The following AFAP1 variants were observed in gnomAD, a reference collection of about 807,000 sequenced individuals.
AFAP1 encodes the protein actin filament-associated protein 1.
AFAP1 carries 75 observed loss-of-function variants against 93.9 expected under a neutral mutation model. The observed-to-expected ratio is 0.80, with a 90% confidence interval of 0.66 to 0.97. The LOEUF (loss-of-function observed/expected upper bound fraction) is 0.97, where lower values mean the gene tolerates loss of function less well. AFAP1 is among the 50% of genes least tolerant of loss of function. The pLI is 0.00. For missense variants in AFAP1, 1,201 were observed against 1,050.8 expected, an observed-to-expected ratio of 1.14 and a Z score of -1.98; for synonymous variants, 517 against 430.7, an observed-to-expected ratio of 1.20 and a Z score of -2.48.
chr4:7,838,919 T>C (rs1185150666), intron 5 of AFAP1, among the ~76,000 whole-genome samples: 1 of 152,128 alleles, frequency 6.6e-6, no homozygotes, highest in Non-Finnish European at 1.5e-5. Flanking sequence ...ATCCATTCAC[T>C]GATTCAGAAA....
At chr4:7,873,242 C>CAAAAAAA (rs1195209480) in intron 1 of AFAP1, among the ~76,000 whole-genome samples, 1 of 64,126 alleles carries the variant, frequency 1.6e-5, no homozygotes, top group Non-Finnish European at 2.7e-5. Flanking sequence ...GACTCTGTCT[C>CAAAAAAA]AAAAAAAAAA....
intron 3 of AFAP1, among the ~76,000 whole-genome samples, chr4:7,859,399 A>G (rs888499554): frequency 1.3e-5 from 2 of 152,086 alleles, no homozygotes; most frequent in Admixed American, 1.3e-4. Flanking sequence ...AGCCTGGGCA[A>G]CAGAGCAAGA....
chr4:7,854,212 T>C (rs1483050317), intron 4 of AFAP1, among the ~76,000 whole-genome samples: 3 of 152,248 alleles, frequency 2.0e-5, no homozygotes, highest in Admixed American at 1.3e-4. Flanking sequence ...TAATCTACTG[T>C]CTTCTTAAAG....
At chr4:7,919,531 C>A (rs1023729874) in intron 1 of AFAP1, among the ~76,000 whole-genome samples, 1 of 152,122 alleles carries the variant, frequency 6.6e-6, no homozygotes. Context: ...TCAGAACATA[C>A]GAATATCCAG....
intron 9 of AFAP1, among the ~76,000 whole-genome samples, chr4:7,806,044 C>T (rs1238615471): frequency 3.3e-5 from 5 of 152,156 alleles, no homozygotes; most frequent in Non-Finnish European, 7.3e-5. Context: ...GTAACAACGG[C>T]TTAATTCATA....
chr4:7,909,981 T>C (rs112516078), intron 1 of AFAP1, among the ~76,000 whole-genome samples: 3,091 of 152,240 alleles, frequency 0.02, 107 homozygotes, highest in African/African-American at 0.071. Flanking sequence ...CCTAATAATA[T>C]TGGCAAAGAA....
At chr4:7,845,190 G>T (rs920161109) in intron 4 of AFAP1, among the ~76,000 whole-genome samples, 3 of 152,186 alleles carry the variant, frequency 2.0e-5, no homozygotes, top group African/African-American at 7.2e-5. Flanking sequence ...GGGAGGCCAA[G>T]GCGGGCGAAT....
chr4:7,937,444 G>T (rs1201690829), intron 1 of AFAP1, among the ~76,000 whole-genome samples: 1 of 152,168 alleles, frequency 6.6e-6, no homozygotes, highest in African/African-American at 2.4e-5. Flanking sequence ...AGAAGAGAAG[G>T]CCTTCCAGGA....
At chr4:7,848,217 G>GGGAGGGAGGGAC (rs1714021380) in intron 4 of AFAP1, among the ~76,000 whole-genome samples, 1 of 64,252 alleles carries the variant, frequency 1.6e-5, no homozygotes, top group African/African-American at 8.4e-5. Flanking sequence ...GAGGGAGGGA[G>GGGAGGGAGGGAC]GGAGGGAGGG....
intron 12 of AFAP1, among the ~76,000 whole-genome samples, chr4:7,782,963 C>T (rs1380599838): frequency 2.6e-5 from 4 of 152,086 alleles, no homozygotes. Flanking sequence ...TCCTAAAATA[C>T]CAAAGATTAA....
At chr4:7,923,603 C>G (rs1485395838) in intron 1 of AFAP1, among the ~76,000 whole-genome samples, 1 of 152,212 alleles carries the variant, frequency 6.6e-6, no homozygotes, top group African/African-American at 2.4e-5. Flanking sequence ...CTCAGCCTCC[C>G]AAGTAGCTGG....
intron 1 of AFAP1, among the ~76,000 whole-genome samples, chr4:7,894,286 G>C (rs997345855): frequency 1.3e-5 from 2 of 152,172 alleles, no homozygotes; most frequent in African/African-American, 4.8e-5. Context: ...TCCAACAGCA[G>C]GGATGAGTGT....
chr4:7,917,805 T>C lies in AFAP1; in HGVS notation c.-3+21851A>G, dbSNP rs16841417. 6.9e-3 allele frequency among the ~76,000 whole-genome samples: 1,055 copies of C among 152,298 alleles called. 12 individuals carry two copies. Among genetic ancestry groups the C allele is most frequent in the African/African-American group, 0.024 (1,006 of 41,548 alleles). On this transcript the variant is annotated intron_variant, in intron 1 of 17. Transcript: ENST00000420658. ...GTTCTGTGTACCTGCCCGGGGCTAT[T>C]AGCTTTCCTCCTGCGTCTTTCACTG...
chr4:7,769,465 C>T (rs1311311083), intron 16 of AFAP1, among the ~76,000 whole-genome samples: 2 of 152,220 alleles, frequency 1.3e-5, no homozygotes, highest in African/African-American at 2.4e-5. Context: ...AGCCCCACTG[C>T]GCGGGGCTCG....
intron 10 of AFAP1, among the ~76,000 whole-genome samples, chr4:7,797,639 C>T (rs1158816084): frequency 6.6e-6 from 1 of 152,194 alleles, no homozygotes; most frequent in African/African-American, 2.4e-5. Flanking sequence ...CTACAACACA[C>T]AGGCTGGGGT....
At chr4:7,901,125 T>C (rs1719090816) in intron 1 of AFAP1, among the ~76,000 whole-genome samples, 1 of 152,170 alleles carries the variant, frequency 6.6e-6, no homozygotes, top group South Asian at 2.1e-4. Flanking sequence ...ACCTACCCTA[T>C]GAGGAAGAAT....
rs114807457 is a variant in AFAP1 at position 7,863,816 on chromosome 4, C to T, written c.225+4806G>A. Among the ~76,000 whole-genome samples the T allele has an allele frequency of 5.9e-3, 893 of 152,292 alleles. 7 individuals carry two copies. Among genetic ancestry groups the T allele is most frequent in the African/African-American group, 0.019 (781 of 41,552 alleles). ...TAATACAAAACACTATAACAAAAGG[C>T]AATATTCAATTCATGCCACAAAAGA... On this transcript the variant is annotated intron_variant, in intron 3 of 17. Transcript: ENST00000420658.
At chr4:7,863,181 C>T (rs369648873) in intron 3 of AFAP1, among the ~76,000 whole-genome samples, 16 of 152,160 alleles carry the variant, frequency 1.1e-4, no homozygotes, top group African/African-American at 3.4e-4. Flanking sequence ...TTTAGGAGGC[C>T]GGGGTGTGTG....
intron 10 of AFAP1, 27 bp downstream of exon 10, chr4:7,800,415 G>C (rs1213742890): frequency 6.2e-7 from 1 of 1,610,548 alleles, no homozygotes. Flanking sequence ...TCCCTCTGTG[G>C]AGTACAGCCC....
Sources: allele counts gnomAD v4.1 joint callset (sites outside exome capture counted in the v4.1 genomes callset), GRCh38; gene constraint gnomAD v4.1.1; transcripts MANE v1.5; gene names NCBI Gene and HGNC (gene_info 2026-07-23, HGNC 2026-07-21).